Variants in SCMH1 observed in about 807,000 individuals in gnomAD.
SCMH1 encodes polycomb protein SCMH1.
Under a neutral mutation model 70.8 loss-of-function variants are expected in SCMH1, and 37 were observed. That is an observed-to-expected ratio of 0.52 (90% confidence interval 0.40 to 0.69). The LOEUF (loss-of-function observed/expected upper bound fraction) is 0.69. SCMH1 is among the 30% of genes least tolerant of loss of function. The pLI, the probability that SCMH1 is intolerant of heterozygous loss-of-function variation, is 0.00. For missense variants in SCMH1, 607 were observed against 827.3 expected, an observed-to-expected ratio of 0.73 and a Z score of 3.27; for synonymous variants, 292 against 307.4, an observed-to-expected ratio of 0.95 and a Z score of 0.52.
intron 2 of SCMH1, among the ~76,000 whole-genome samples, chr1:41,185,494 T>C (rs55793302): frequency 0.11 from 16,284 of 152,252 alleles, 995 homozygotes; most frequent in South Asian, 0.18. Context: ...TTCTTCTTTT[T>C]ACCTTTCTAA....
chr1:41,178,275 T>C (rs1647588210), intron 2 of SCMH1, among the ~76,000 whole-genome samples: 1 of 152,160 alleles, frequency 6.6e-6, no homozygotes, highest in Non-Finnish European at 1.5e-5. Context: ...TACCAGCCAC[T>C]GCAAAAACAT....
intron 8 of SCMH1, 40 bp from the exon 9 acceptor site, chr1:41,075,491 C>T: frequency 6.5e-7 from 1 of 1,539,082 alleles, no homozygotes; most frequent in East Asian, 2.3e-5. Context: ...TCCCTCCCCC[C>T]TGCATTCTCA....
At chr1:41,117,293 T>A (rs1244598361) in intron 6 of SCMH1, among the ~76,000 whole-genome samples, 1 of 151,976 alleles carries the variant, frequency 6.6e-6, no homozygotes, top group Non-Finnish European at 1.5e-5. Context: ...CATACAGAGA[T>A]AGGAGCTGAG....
intron 5 of SCMH1, among the ~76,000 whole-genome samples, chr1:41,150,199 T>C (rs1340282680): frequency 1.3e-5 from 2 of 152,232 alleles, no homozygotes; most frequent in Admixed American, 6.5e-5. Flanking sequence ...GCTTGATTTT[T>C]AGTGACTTAA....
At chr1:41,190,089 T>A (rs2148660926) in intron 1 of SCMH1, among the ~76,000 whole-genome samples, 1 of 152,364 alleles carries the variant, frequency 6.6e-6, no homozygotes, top group East Asian at 1.9e-4. Context: ...ATGACAGTCC[T>A]GGATGCTCCA....
chr1:41,046,510 G>A (rs1646910328), exon 12 of SCMH1: 1 of 1,614,206 alleles, frequency 6.2e-7, no homozygotes, highest in Non-Finnish European at 8.5e-7. Context: ...TACGAAGGTT[G>A]TGGCAGAGTT....
Position 41,144,853 on chromosome 1 carries a change from G to A in SCMH1, c.178-1741C>T, listed in dbSNP as rs1393503573. On this transcript the variant is annotated intron_variant, in intron 5 of 14. Transcript: ENST00000337495. ...GATTAGCATTTCTCTAATGACTACT[G>A]AGTATCTTTAATGTGCCTAACTGGT... Among the ~76,000 whole-genome samples the A allele has an allele frequency of 2.0e-5, 3 of 152,144 alleles. No homozygotes were observed. The East Asian group carries it at 5.8e-4, about 29-fold the overall frequency.
chr1:41,161,246 T>C lies in SCMH1; in HGVS notation c.82+118A>G. 2.0e-6 allele frequency: 3 copies of C among 1,470,230 alleles called. No individual in the cohort carries two copies. In the South Asian group the frequency reaches 3.8e-5, roughly 19 times the overall value. The allele number at this position is 1,470,230 out of a possible 1,614,324, so 91.1% of individuals were successfully genotyped here. A position where few individuals can be genotyped will look rare whatever the true frequency, so the allele number is the denominator to read the frequency against. The stretch of plus-strand genomic sequence containing the variant: ...CCAATACCTCTGTAAACTGCAATAT[T>C]TGCTTCTGATATAACAATTGAGTTA... On this transcript the variant is annotated intron_variant, in intron 3 of 14. Coordinates refer to ENST00000337495, the Ensembl canonical transcript of SCMH1.
At chr1:41,133,344 A>G (rs946664904) in intron 6 of SCMH1, among the ~76,000 whole-genome samples, 6 of 152,114 alleles carry the variant, frequency 3.9e-5, no homozygotes, top group African/African-American at 1.4e-4. Flanking sequence ...GAAAAGATCT[A>G]AAATCGACAC....
intron 10 of SCMH1, among the ~76,000 whole-genome samples, chr1:41,052,917 C>CTT (rs113009874): frequency 0.63 from 84,217 of 134,566 alleles, 27,632 homozygotes; most frequent in African/African-American, 0.81. Flanking sequence ...AAATTGTAGG[C>CTT]TTTTTTTTTT....
At chr1:41,221,161 G>A (rs1294102760) in intron 1 of SCMH1, among the ~76,000 whole-genome samples, 1 of 152,100 alleles carries the variant, frequency 6.6e-6, no homozygotes, top group South Asian at 2.1e-4. Flanking sequence ...ACAAAATGAC[G>A]AATGTTATAT....
At chr1:41,030,268 C>A (rs899841077) in intron 13 of SCMH1, among the ~76,000 whole-genome samples, 21 of 152,090 alleles carry the variant, frequency 1.4e-4, no homozygotes, top group African/African-American at 4.8e-4. Flanking sequence ...TCAACCCCTT[C>A]TAAAAACTCA....
intron 1 of SCMH1, among the ~76,000 whole-genome samples, chr1:41,196,189 G>A (rs1652980162): frequency 6.6e-6 from 1 of 151,860 alleles, no homozygotes; most frequent in South Asian, 2.1e-4. Context: ...AATCCAAACG[G>A]CATTTTTGCA....
chr1:41,043,769 A>G (rs1646543770), intron 12 of SCMH1: 2 of 152,056 alleles, frequency 1.3e-5, no homozygotes, highest in Admixed American at 1.3e-4. Flanking sequence ...TCTTAATCAT[A>G]ATAATACTAT....
intron 1 of SCMH1, 95 bp from the exon 2 acceptor site, chr1:41,186,345 G>T: frequency 2.6e-6 from 1 of 381,260 alleles, no homozygotes. Context: ...TACATTATAA[G>T]AAAAGTAGGA....
intron 1 of SCMH1, among the ~76,000 whole-genome samples, chr1:41,195,499 T>G (rs1386211503): frequency 6.6e-6 from 1 of 151,096 alleles, no homozygotes; most frequent in African/African-American, 2.4e-5. Flanking sequence ...GAGAAAGCAT[T>G]TGACAAAATT....
intron 1 of SCMH1, among the ~76,000 whole-genome samples, chr1:41,234,150 T>C (rs577640307): frequency 2.4e-4 from 37 of 152,244 alleles, no homozygotes; most frequent in African/African-American, 8.9e-4. Context: ...AGATTCAGTT[T>C]AGGGCCAGGC....
At chr1:41,235,067 C>T (rs1264750610) in intron 1 of SCMH1, among the ~76,000 whole-genome samples, 1 of 152,102 alleles carries the variant, frequency 6.6e-6, no homozygotes, top group Admixed American at 6.5e-5. Flanking sequence ...GTGTGAGTTA[C>T]CATGCCCAAT....
At chr1:41,190,975 C>G (rs1026909782) in intron 1 of SCMH1, among the ~76,000 whole-genome samples, 2 of 152,160 alleles carry the variant, frequency 1.3e-5, no homozygotes, top group Non-Finnish European at 2.9e-5. Flanking sequence ...CCTGGACTCA[C>G]GCAATCCTCC....
Sources: gnomAD v4.1 joint callset for allele counts (sites outside exome capture counted in the v4.1 genomes callset) on GRCh38, gnomAD v4.1.1 for gene constraint, MANE v1.5 for transcripts, NCBI Gene and HGNC (gene_info 2026-07-23, HGNC 2026-07-21) for gene names.